GABRQ: variants seen among roughly 807,000 people sequenced by gnomAD.
GABRQ encodes the protein gamma-aminobutyric acid receptor subunit theta.
GABRQ carries 19 observed loss-of-function variants against 30.5 expected under a neutral mutation model. The observed-to-expected ratio is 0.62, with a 90% confidence interval of 0.43 to 0.91. GABRQ has a LOEUF of 0.91. Ranked by LOEUF, GABRQ falls within the 40% of genes least tolerant of loss-of-function variation. GABRQ has a pLI of 0.00. For missense variants in GABRQ, 520 were observed against 521.4 expected (o/e 1.00, Z 0.03); for synonymous variants, 187 against 210.2 (o/e 0.89, Z 0.95).
intron 1 of GABRQ, 113 bp from the exon 2 acceptor site, chrX:152,640,265 G>A (rs1242906066): frequency 1.5e-5 from 8 of 543,571 alleles, no homozygotes; most frequent in African/African-American, 9.1e-5. Flanking sequence ...GTGTGTACAC[G>A]TATGACTGGA....
chrX:152,645,094 A>G (rs1286619929), intron 2 of GABRQ, among the ~76,000 whole-genome samples: 1 of 108,507 alleles, frequency 9.2e-6, no homozygotes, highest in Non-Finnish European at 2.0e-5. Flanking sequence ...ACACTCATAT[A>G]CACAGCTCAC....
At chrX:152,652,392 A>G in intron 8 of GABRQ, 149 bp from the exon 9 acceptor site, 1 of 518,570 alleles carries the variant, frequency 1.9e-6, no homozygotes, top group Non-Finnish European at 3.3e-6. Context: ...TGAACACCAG[A>G]GACCCCAAGA....
chrX:152,652,501 C>T (rs1357115877), intron 8 of GABRQ, 40 bp from the exon 9 acceptor site: 4 of 1,126,966 alleles, frequency 3.5e-6, no homozygotes, highest in Admixed American at 2.4e-5. Context: ...TCCATCTAGG[C>T]GATATGAAAC....
intron 5 of GABRQ, 81 bp from the exon 6 acceptor site, chrX:152,649,661 G>C (rs1556819801): frequency 1.3e-6 from 1 of 795,197 alleles, no homozygotes; most frequent in Non-Finnish European, 1.9e-6. Flanking sequence ...AAGTTAGTGG[G>C]TAGGAGCTTG....
At chrX:152,643,274 G>A (rs1930801657) in intron 2 of GABRQ, among the ~76,000 whole-genome samples, 1 of 112,483 alleles carries the variant, frequency 8.9e-6, no homozygotes, top group Non-Finnish European at 1.9e-5. Context: ...GGATGCTGGA[G>A]TCTGGGCTGT....
intron 2 of GABRQ, among the ~76,000 whole-genome samples, chrX:152,642,625 C>T (rs1295204028): frequency 8.9e-6 from 1 of 112,247 alleles, no homozygotes; most frequent in African/African-American, 3.2e-5. Flanking sequence ...TATTTTCATT[C>T]CTTCATTCAT....
At position 152,653,283 on chromosome X, in the gene GABRQ, C is replaced by A. The variant is rs781944137; in HGVS notation, c.*2C>A. The A allele has an allele frequency of 6.8e-6, 8 of 1,178,780 alleles. No homozygotes were observed. The Admixed American group carries it at 1.8e-4, about 26-fold the overall frequency. On this transcript the variant is annotated 3_prime_UTR_variant, in exon 9 of 9. Transcript: ENST00000598523. ...TACTGGGTATACCATATGTATTAGT[C>A]CCCCAGTGCTCCAGAACAGCGGGAG... is the stretch of plus-strand genomic sequence containing the variant.
intron 1 of GABRQ, among the ~76,000 whole-genome samples, chrX:152,639,793 G>A (rs1173998772): frequency 4.5e-5 from 5 of 112,056 alleles, no homozygotes; most frequent in African/African-American, 1.6e-4. Context: ...CATATGCCAA[G>A]TCTGGAAAAC....
At chrX:152,649,227 CT>C in intron 4 of GABRQ, 23 bp from the exon 5 acceptor site, 1 of 1,060,825 alleles carries the variant, frequency 9.4e-7, no homozygotes, top group Non-Finnish European at 1.3e-6. Context: ...TCACTTTCTC[CT>C]TCCTTTTTGT....
chrX:152,639,148 T>A (rs1483393124), intron 1 of GABRQ, among the ~76,000 whole-genome samples: 1 of 111,262 alleles, frequency 9.0e-6, no homozygotes, highest in Non-Finnish European at 1.9e-5. Flanking sequence ...GGGAATGCAT[T>A]GCTTTAATTT....
Position 152,653,257 on chromosome X carries a change from T to C in GABRQ, c.1875T>C (p.Val625=). Residue 625 remains valine, a synonymous_variant, in exon 9 of 9, where the codon GTT becomes GTC. Coordinates refer to ENST00000598523, the MANE Select transcript of GABRQ (RefSeq NM_018558.4). ...FPLAFGLFNI[V]YWVYHMY ...TGGCCTTTGGGTTGTTCAACATTGT[T>C]TACTGGGTATACCATATGTATTAGT... 2.5e-6 allele frequency: 3 copies of C among 1,203,987 alleles called. No individual in the cohort carries two copies. The highest frequency in any genetic ancestry group is 3.4e-6 in the Non-Finnish European group (3 of 888,844).
At chrX:152,644,388 C>A (rs1198247067) in intron 2 of GABRQ, among the ~76,000 whole-genome samples, 2 of 112,568 alleles carry the variant, frequency 1.8e-5, no homozygotes, top group Admixed American at 1.9e-4. Flanking sequence ...CAGATTCACT[C>A]ACCTGCTGAA....
intron 2 of GABRQ, 125 bp from the exon 3 acceptor site, chrX:152,645,402 A>G: frequency 2.1e-6 from 1 of 479,793 alleles, no homozygotes; most frequent in Non-Finnish European, 3.8e-6. Flanking sequence ...GGGTTAGGTG[A>G]CTTACTCAGG....
In GABRQ at chrX:152,653,067, A is replaced by C. The variant is rs1556820611; in HGVS notation, c.1685A>C (p.Asp562Ala). 1 of 1,207,817 alleles carries C rather than the reference A, an allele frequency of 8.3e-7. No individual in the cohort carries two copies. Among genetic ancestry groups the C allele is most frequent in the African/African-American group, 1.7e-5 (1 of 57,170 alleles). Reference sequence around the variant, plus strand: ...ACTAACAGTACCTGGGGCCTTAATGATGATGAGCTCATGGCCCATGGCCAA... The same window carrying C: ...ACTAACAGTACCTGGGGCCTTAATGCTGATGAGCTCATGGCCCATGGCCAA... The part of the protein sequence containing the change: ...CDTNSTWGLN[D>A]DELMAHGQEK... Residue 562 changes from aspartate to alanine, a missense_variant, in exon 9 of 9, where the codon GAT (aspartate) becomes GCT (alanine). By Grantham distance (126) the Asp-to-Ala change is moderately radical. Coordinates refer to ENST00000598523, the MANE Select transcript of GABRQ (RefSeq NM_018558.4).
At chrX:152,645,706 A>G (rs1316674470) in intron 3 of GABRQ, 112 bp downstream of exon 3, 5 of 518,134 alleles carry the variant, frequency 9.7e-6, no homozygotes, top group African/African-American at 9.1e-5. Flanking sequence ...ACATAAAGGA[A>G]CAAGGTAGGT....
At chrX:152,646,768 A>G (rs782368169) in intron 3 of GABRQ, among the ~76,000 whole-genome samples, 180 bp from the exon 4 acceptor site, 108 of 111,800 alleles carry the variant, frequency 9.7e-4, no homozygotes, top group East Asian at 3.4e-3. Context: ...TAATTACACA[A>G]GATTCATTTT....
Position 152,651,366 on chromosome X carries a change from C to T in GABRQ, c.902-160C>T, listed in dbSNP as rs2083098457. Among the ~76,000 whole-genome samples, 4 of 111,811 alleles carry T rather than the reference C, an allele frequency of 3.6e-5. No individual in the cohort carries two copies. In the Admixed American group the frequency reaches 3.8e-4, roughly 11 times the overall value. Reference sequence around the variant, plus strand: ...ATAAGAAGTCATTGAACCAGTGAAGCGTGGGCTGAGTTTAAAGATGGGGGA... The same window carrying T: ...ATAAGAAGTCATTGAACCAGTGAAGTGTGGGCTGAGTTTAAAGATGGGGGA... On this transcript the variant is annotated intron_variant, in intron 7 of 8. Coordinates refer to ENST00000598523, the MANE Select transcript of GABRQ (RefSeq NM_018558.4).
At chrX:152,648,776 G>A (rs782616567) in intron 4 of GABRQ, among the ~76,000 whole-genome samples, 3 of 112,008 alleles carry the variant, frequency 2.7e-5, no homozygotes, top group Non-Finnish European at 3.8e-5. Context: ...TGTCCATTTC[G>A]CACCCAATGA....
At chrX:152,639,791 A>G (rs781915985) in intron 1 of GABRQ, among the ~76,000 whole-genome samples, 1 of 112,124 alleles carries the variant, frequency 8.9e-6, no homozygotes, top group Non-Finnish European at 1.9e-5. Context: ...GCCATATGCC[A>G]AGTCTGGAAA....
Sources: allele counts gnomAD v4.1 joint callset (sites outside exome capture counted in the v4.1 genomes callset), GRCh38; gene constraint gnomAD v4.1.1; transcripts MANE v1.5; gene names NCBI Gene and HGNC (gene_info 2026-07-23, HGNC 2026-07-21).